The following HAS2 variants were observed in gnomAD, a reference collection of about 807,000 sequenced individuals.
HAS2 encodes hyaluronan synthase 2, also known as HA synthase 2.
A neutral mutation model predicts 51.6 loss-of-function variants in HAS2; 16 were observed. The observed-to-expected ratio is 0.31, with a 90% CI of 0.21 to 0.47. The LOEUF is 0.47. HAS2 is among the 20% of genes least tolerant of loss of function. The pLI is 1.00. For missense variants in HAS2, 361 were observed against 662.6 expected, an observed-to-expected ratio of 0.54 and a Z score of 5.00; for synonymous variants, 228 against 235.5, an observed-to-expected ratio of 0.97 and a Z score of 0.29.
At position 121,617,078 on chromosome 8, in the gene HAS2, A is replaced by C. The variant is rs763727691; in HGVS notation, c.729+27T>G. 9 of 1,277,480 alleles carry C rather than the reference A, an allele frequency of 7.0e-6. No individual in the cohort carries two copies. In the African/African-American group the frequency reaches 1.3e-4, roughly 19 times the overall value. The allele number at this position is 1,277,480 out of a possible 1,614,324, so 79.1% of individuals were successfully genotyped here. ...CTCTTAAAAGTATTTCATGCAAAAC[A>C]AACAAACAAAAAGTGAAGCCATGTA... On this transcript the variant is annotated intron_variant, in intron 3 of 3. Coordinates refer to ENST00000303924, the MANE Select transcript of HAS2 (RefSeq NM_005328.3).
At chr8:121,622,674 T>A (rs1205420957) in intron 2 of HAS2, among the ~76,000 whole-genome samples, 1 of 144,478 alleles carries the variant, frequency 6.9e-6, no homozygotes, top group African/African-American at 2.6e-5. Flanking sequence ...AATTTAAAAT[T>A]TCTCATACAA....
intron 2 of HAS2, among the ~76,000 whole-genome samples, chr8:121,618,002 CA>C (rs11356339): frequency 0.1 from 12,947 of 126,054 alleles, 1,731 homozygotes; most frequent in African/African-American, 0.32. Context: ...TTCTATGAGC[CA>C]AAAAAAAAAA....
At chr8:121,639,130 C>A (rs73708504) in intron 1 of HAS2, among the ~76,000 whole-genome samples, 3 of 152,300 alleles carry the variant, frequency 2.0e-5, no homozygotes, top group African/African-American at 7.2e-5. Flanking sequence ...TCTTAACAAG[C>A]GGCCTCACTC....
chr8:121,630,570 C>G (rs1025780502), intron 1 of HAS2, among the ~76,000 whole-genome samples: 2 of 152,132 alleles, frequency 1.3e-5, no homozygotes, highest in Non-Finnish European at 2.9e-5. Flanking sequence ...GGTATAAATG[C>G]AATATCTTCA....
In HAS2 at chr8:121,629,033, A is replaced by G. The variant is rs1286238537; in HGVS notation, c.308T>C (p.Leu103Ser). The G allele has an allele frequency of 6.2e-7, 1 of 1,613,988 alleles. No individual in the cohort carries two copies. The highest frequency in any genetic ancestry group is 1.3e-5 in the African/African-American group (1 of 74,910). ...QEDPDYLRKC[L>S]QSVKRLTYPG... The stretch of plus-strand genomic sequence containing the variant: ...GTAGGTTAGCCTTTTCACAGATTGC[A>G]AACATTTCCTTAAGTAGTCTGGATC... The change falls in exon 2 of 4, where the codon TTG becomes TCG. Residue 103 changes from leucine (L) to serine (S), a missense_variant. Leu to Ser is a moderately radical substitution (Grantham distance 145). Around this residue, in one of 5 missense-constraint regions of HAS2, gnomAD observed 145 missense variants for 217.6 expected, o/e 0.67. Transcript: ENST00000303924.
intron 2 of HAS2, among the ~76,000 whole-genome samples, chr8:121,617,408 G>A (rs1812718219): frequency 6.6e-6 from 1 of 152,096 alleles, no homozygotes; most frequent in South Asian, 2.1e-4. Flanking sequence ...CAATATTTAA[G>A]TTAATGACAT....
intron 2 of HAS2, among the ~76,000 whole-genome samples, chr8:121,627,380 A>C (rs1453657280): frequency 6.6e-6 from 1 of 152,194 alleles, no homozygotes; most frequent in Non-Finnish European, 1.5e-5. Flanking sequence ...GAGAAACTTG[A>C]CAGAGAAATG....
At chr8:121,640,006 G>C (rs1427149509) in intron 1 of HAS2, 3 of 152,228 alleles carry the variant, frequency 2.0e-5, no homozygotes, top group African/African-American at 7.2e-5. Context: ...GTCGGAATTG[G>C]CTCTGGGGAC....
At chr8:121,638,844 A>C (rs2130456083) in intron 1 of HAS2, among the ~76,000 whole-genome samples, 1 of 152,334 alleles carries the variant, frequency 6.6e-6, no homozygotes, top group South Asian at 2.1e-4. Flanking sequence ...GGAAATAAAA[A>C]TTTGGAATTT....
chr8:121,624,294 T>C (rs1458203651), intron 2 of HAS2, among the ~76,000 whole-genome samples: 1 of 152,162 alleles, frequency 6.6e-6, no homozygotes, highest in Non-Finnish European at 1.5e-5. Context: ...AATGTGGCAC[T>C]AAAGAGACCA....
chr8:121,639,203 A>G (rs969021424), intron 1 of HAS2: 3 of 152,156 alleles, frequency 2.0e-5, no homozygotes, highest in Admixed American at 1.3e-4. Context: ...GATGGTCTAT[A>G]TATACTCAGG....
chr8:121,625,101 A>G (rs1182959596), intron 2 of HAS2, among the ~76,000 whole-genome samples: 1 of 147,690 alleles, frequency 6.8e-6, no homozygotes. Flanking sequence ...CCGTCTCAAA[A>G]AAAAAAAAAA....
intron 2 of HAS2, among the ~76,000 whole-genome samples, chr8:121,620,420 G>A (rs1467675622): frequency 6.6e-6 from 1 of 152,178 alleles, no homozygotes; most frequent in Non-Finnish European, 1.5e-5. Flanking sequence ...CCAGTTCAAG[G>A]AGAACTGAAC....
chr8:121,640,419 C>CTGTGTGTGTG (rs1563625776), intron 1 of HAS2, among the ~76,000 whole-genome samples: 4 of 74,388 alleles, frequency 5.4e-5, no homozygotes, highest in African/African-American at 1.8e-4. Context: ...TTTCTCCCCA[C>CTGTGTGTGTG]AGTGTGTGTG....
chr8:121,635,629 T>C (rs1812998923), intron 1 of HAS2, among the ~76,000 whole-genome samples: 1 of 152,230 alleles, frequency 6.6e-6, no homozygotes, highest in Non-Finnish European at 1.5e-5. Context: ...TTAATATCTT[T>C]GAACTTAAGT....
At chr8:121,616,543 C>A (rs1017171473) in intron 3 of HAS2, among the ~76,000 whole-genome samples, 1 of 151,474 alleles carries the variant, frequency 6.6e-6, no homozygotes, top group Non-Finnish European at 1.5e-5. Context: ...TCCAAGAATT[C>A]TCTTGTCTCA....
intron 1 of HAS2, among the ~76,000 whole-genome samples, chr8:121,629,621 A>G (rs1276111160): frequency 6.6e-5 from 10 of 152,188 alleles, no homozygotes; most frequent in African/African-American, 2.4e-4. Flanking sequence ...CAAATACTGC[A>G]TACATTGCTT....
intron 2 of HAS2, among the ~76,000 whole-genome samples, chr8:121,625,318 A>G (rs1239102146): frequency 6.6e-6 from 1 of 152,142 alleles, no homozygotes; most frequent in Non-Finnish European, 1.5e-5. Flanking sequence ...ACATGCTGCC[A>G]TAAGCCTGTG....
chr8:121,616,036 T>G (rs907736779), intron 3 of HAS2, among the ~76,000 whole-genome samples: 1 of 152,198 alleles, frequency 6.6e-6, no homozygotes, highest in Non-Finnish European at 1.5e-5. Flanking sequence ...TAAAATGGGT[T>G]ATATAGCATG....
Sources: allele counts gnomAD v4.1 joint callset (sites outside exome capture counted in the v4.1 genomes callset), GRCh38; gene constraint gnomAD v4.1.1; regional missense constraint gnomAD v4.1.1; transcripts MANE v1.5; gene names NCBI Gene and HGNC (gene_info 2026-07-23, HGNC 2026-07-21).